OSBPL6: variants seen among roughly 807,000 people sequenced by gnomAD.
OSBPL6 encodes oxysterol binding protein like 6, also known as oxysterol-binding protein-related protein 6.
In OSBPL6, 49 loss-of-function variants were observed where a neutral mutation model predicts 125.8. That is an observed-to-expected ratio of 0.39 (90% CI 0.31 to 0.49). OSBPL6 has a LOEUF of 0.49. Ranked by LOEUF, OSBPL6 falls within the 20% of genes least tolerant of loss-of-function variation. The probability of loss-of-function intolerance (pLI) is 0.88; values close to 1 mark genes in which losing one functional copy is unlikely to be tolerated. For missense variants in OSBPL6, 986 were observed against 1,135.4 expected (o/e 0.87, Z 1.89); for synonymous variants, 394 against 391.8 (o/e 1.01, Z -0.07).
intron 11 of OSBPL6, 77 bp from the exon 12 acceptor site, chr2:178,349,147 G>A: frequency 7.1e-7 from 1 of 1,418,208 alleles, no homozygotes; most frequent in Non-Finnish European, 1.0e-6. Context: ...TTGAAGAACG[G>A]GAGAGGTCTT....
intron 20 of OSBPL6, among the ~76,000 whole-genome samples, chr2:178,388,717 A>G (rs1695155940): frequency 1.3e-5 from 2 of 152,178 alleles, no homozygotes; most frequent in South Asian, 2.1e-4. Flanking sequence ...TATTTTAAGT[A>G]TTTGTTTGCA....
At chr2:178,271,452 C>T (rs143815242) in intron 1 of OSBPL6, among the ~76,000 whole-genome samples, 17 of 152,066 alleles carry the variant, frequency 1.1e-4, no homozygotes, top group Admixed American at 8.5e-4. Flanking sequence ...AAGAGAAATT[C>T]GGCTGCTTAA....
At chr2:178,324,709 C>T (rs1237931777) in intron 4 of OSBPL6, among the ~76,000 whole-genome samples, 1 of 152,178 alleles carries the variant, frequency 6.6e-6, no homozygotes, top group Non-Finnish European at 1.5e-5. Context: ...TTCTCATAAA[C>T]AGCTCCACAC....
At chr2:178,213,538 T>C (rs2089962617) in intron 1 of OSBPL6, among the ~76,000 whole-genome samples, 1 of 152,114 alleles carries the variant, frequency 6.6e-6, no homozygotes, top group South Asian at 2.1e-4. Flanking sequence ...GTCTCCTTCC[T>C]AGACTGTAAC....
At chr2:178,374,171 G>A (rs981605996) in intron 15 of OSBPL6, 144 bp downstream of exon 15, 3 of 1,022,958 alleles carry the variant, frequency 2.9e-6, no homozygotes, top group Non-Finnish European at 2.8e-6. Context: ...TTGCAGCAAA[G>A]CTAAAAGCAT....
chr2:178,374,721 T>TA (rs1693708319), intron 15 of OSBPL6, among the ~76,000 whole-genome samples: 2 of 152,236 alleles, frequency 1.3e-5, no homozygotes, highest in Admixed American at 6.5e-5. Flanking sequence ...ATTGCAAATC[T>TA]ATACTGCATT....
chr2:178,264,983 G>A (rs2092183051), intron 1 of OSBPL6, among the ~76,000 whole-genome samples: 1 of 151,526 alleles, frequency 6.6e-6, no homozygotes, highest in Admixed American at 6.6e-5. Flanking sequence ...TCCAACTCCT[G>A]GGCTCAAGCA....
rs563694739 is a variant in OSBPL6 at position 178,318,504 on chromosome 2, C to G, written c.103-5673C>G. ...TAATTGCTACTTCTTCAGCCATGGC[C>G]TTTTGGCTTTGGTGATTTTAATATT... On this transcript the variant is annotated intron_variant, in intron 3 of 24. Transcript: ENST00000190611. Among the ~76,000 whole-genome samples, 170 of 152,314 alleles carry G rather than the reference C, an allele frequency of 1.1e-3. 1 individual carries two copies. Among genetic ancestry groups the G allele is most frequent in the Middle Eastern group, 3.4e-3 (1 of 294 alleles).
intron 5 of OSBPL6, among the ~76,000 whole-genome samples, chr2:178,330,947 C>T (rs955242774): frequency 1.3e-5 from 2 of 151,998 alleles, no homozygotes; most frequent in Non-Finnish European, 2.9e-5. Flanking sequence ...CTTTTTTTAC[C>T]CTTAGTGTAG....
chr2:178,249,641 ACT>A (rs1483171687), intron 1 of OSBPL6, among the ~76,000 whole-genome samples: 4 of 151,882 alleles, frequency 2.6e-5, no homozygotes, highest in Admixed American at 2.6e-4. Flanking sequence ...CGTTTAAGGT[ACT>A]CTCTATGTAG....
intron 1 of OSBPL6, among the ~76,000 whole-genome samples, chr2:178,256,193 G>A (rs1023252454): frequency 3.3e-5 from 5 of 152,306 alleles, no homozygotes; most frequent in Middle Eastern, 3.4e-3. Flanking sequence ...TTTAGAGAAA[G>A]CAGCACACTC....
intron 1 of OSBPL6, among the ~76,000 whole-genome samples, chr2:178,274,600 G>C (rs778112022): frequency 4.6e-5 from 7 of 152,006 alleles, no homozygotes; most frequent in Non-Finnish European, 1.0e-4. Context: ...TAGGCCTCCG[G>C]TCTTTACCAT....
intron 1 of OSBPL6, among the ~76,000 whole-genome samples, chr2:178,246,983 G>GGA (rs1574618291): frequency 6.6e-6 from 1 of 150,798 alleles, no homozygotes; most frequent in East Asian, 1.9e-4. Flanking sequence ...AACCTCCCTT[G>GGA]GAACTTCATC....
chr2:178,211,142 G>A lies in OSBPL6; in HGVS notation c.-351+16468G>A, dbSNP rs533970140. ...AAAACTTAGCCATGTGTGGTGGTGC[G>A]CGCCTGTAGTCCCAGCTCCTCACGA... On this transcript the variant is annotated intron_variant, in intron 1 of 24. Transcript: ENST00000190611. Among the ~76,000 whole-genome samples the A allele has an allele frequency of 6.9e-4, 105 of 152,260 alleles. 3 individuals carry two copies. The South Asian group carries it at 0.02, about 29-fold the overall frequency.
At chr2:178,331,870 G>T (rs2154077490) in intron 6 of OSBPL6, among the ~76,000 whole-genome samples, 1 of 152,252 alleles carries the variant, frequency 6.6e-6, no homozygotes, top group Admixed American at 6.5e-5. Context: ...CTGTCACTTG[G>T]ATAGAAAACG....
intron 1 of OSBPL6, among the ~76,000 whole-genome samples, chr2:178,244,855 T>A (rs1181235638): frequency 6.6e-6 from 1 of 152,194 alleles, no homozygotes; most frequent in Non-Finnish European, 1.5e-5. Flanking sequence ...AATTTCCTGC[T>A]TTGGTAATGG....
chr2:178,239,868 C>G (rs1355564489), intron 1 of OSBPL6, among the ~76,000 whole-genome samples: 2 of 151,850 alleles, frequency 1.3e-5, no homozygotes, highest in South Asian at 2.1e-4. Flanking sequence ...ACCTCGTGAT[C>G]CACCCGCCTC....
chr2:178,248,601 T>C (rs2091575805), intron 1 of OSBPL6, among the ~76,000 whole-genome samples: 1 of 152,196 alleles, frequency 6.6e-6, no homozygotes, highest in South Asian at 2.1e-4. Context: ...TTGTTCTTCA[T>C]GTATGCAAAA....
chr2:178,308,322 G>A (rs771240688), intron 3 of OSBPL6, among the ~76,000 whole-genome samples: 1 of 152,180 alleles, frequency 6.6e-6, no homozygotes, highest in Non-Finnish European at 1.5e-5. Context: ...GTGATGTGAT[G>A]TAGTGTTTTT....
Sources: gnomAD v4.1 joint callset for allele counts (sites outside exome capture counted in the v4.1 genomes callset) on GRCh38, gnomAD v4.1.1 for gene constraint, MANE v1.5 for transcripts, NCBI Gene and HGNC (gene_info 2026-07-23, HGNC 2026-07-21) for gene names.